GBP3: variants seen among roughly 807,000 people sequenced by gnomAD.
The protein encoded by GBP3 is guanylate binding protein 3.
Under a neutral mutation model 62.4 loss-of-function variants are expected in GBP3, and 55 were observed. That is an observed-to-expected ratio of 0.88 (90% CI 0.71 to 1.10). The LOEUF (loss-of-function observed/expected upper bound fraction) is 1.10, where lower values mean the gene tolerates loss of function less well. GBP3 is among the 50% of genes least tolerant of loss of function. The probability of loss-of-function intolerance (pLI) is 0.00; values close to 1 mark genes in which losing one functional copy is unlikely to be tolerated. For missense variants in GBP3, 605 were observed against 690.6 expected (o/e 0.88, Z 1.39); for synonymous variants, 208 against 259.2 (o/e 0.80, Z 1.90).
intron 1 of GBP3, 105 bp downstream of exon 1, chr1:89,022,579 G>A (rs962917173): frequency 6.6e-6 from 1 of 152,170 alleles, no homozygotes; most frequent in Non-Finnish European, 1.5e-5. Flanking sequence ...TTAAGAAAAT[G>A]AACTGACTTA....
rs1418488100 is a variant in GBP3 at position 89,011,976 on chromosome 1, A to T, written c.920T>A (p.Leu307Gln). ...TYINAISRGD[L>Q]PCMENAVLAL... is the part of the protein sequence containing the mutation. ...CAGGACTGCGTTCTCCATGCAGGGC[A>T]GATCCCCTCTGCTGATAGCATTGAT... The change falls in exon 7 of 11, where the codon CTG (leucine) becomes CAG (glutamine). Residue 307 changes from leucine (L) to glutamine (Q), a missense_variant. Leu to Gln is a moderately radical substitution (Grantham distance 113). Around this residue, in one of 3 missense-constraint regions of GBP3, gnomAD observed 137 missense variants for 224.7 expected, o/e 0.61. Coordinates refer to ENST00000370481, the MANE Select transcript of GBP3 (RefSeq NM_018284.3). The T allele has an allele frequency of 2.1e-6, 3 of 1,462,634 alleles. 1 individual carries two copies. Among genetic ancestry groups the T allele is most frequent in the South Asian group, 1.2e-5 (1 of 84,738 alleles). The allele number at this position is 1,462,634 out of a possible 1,614,324, so 90.6% of individuals were successfully genotyped here. A position where few individuals can be genotyped will look rare whatever the true frequency, so the allele number is the denominator to read the frequency against.
chr1:89,014,315 C>T, intron 4 of GBP3, 36 bp from the exon 5 acceptor site: 1 of 1,613,778 alleles, frequency 6.2e-7, no homozygotes, highest in Non-Finnish European at 8.5e-7. Flanking sequence ...ACAAAATGAA[C>T]AGGAACCTCA....
intron 9 of GBP3, 61 bp downstream of exon 9, chr1:89,009,331 G>T: frequency 1.9e-6 from 3 of 1,546,154 alleles, no homozygotes; most frequent in South Asian, 1.2e-5. Flanking sequence ...TTTAAAATTT[G>T]AAAAATTATT....
At chr1:89,021,598 A>G (rs1278893184) in intron 1 of GBP3, among the ~76,000 whole-genome samples, 1 of 151,950 alleles carries the variant, frequency 6.6e-6, no homozygotes, top group Non-Finnish European at 1.5e-5. Flanking sequence ...ACCCCATGAA[A>G]TAAGGACTGA....
At chr1:89,022,579 G>C (rs962917173) in intron 1 of GBP3, 105 bp downstream of exon 1, 4 of 152,170 alleles carry the variant, frequency 2.6e-5, no homozygotes, top group Non-Finnish European at 5.9e-5. Context: ...TTAAGAAAAT[G>C]AACTGACTTA....
intron 10 of GBP3, among the ~76,000 whole-genome samples, chr1:89,008,503 G>A (rs1288278722): frequency 6.8e-6 from 1 of 146,282 alleles, no homozygotes; most frequent in Non-Finnish European, 1.5e-5. Context: ...AGTCATACTA[G>A]ATGGGATAGA....
At chr1:89,012,080 T>G in intron 6 of GBP3, 53 bp from the exon 7 acceptor site, 1 of 1,363,526 alleles carries the variant, frequency 7.3e-7, no homozygotes, top group Non-Finnish European at 1.0e-6. Context: ...AAACTCTCTA[T>G]TCTGTGTAAT....
Position 89,007,870 on chromosome 1 carries a change from G to C in GBP3, c.1660-18C>G. On this transcript the variant is annotated intron_variant, in intron 10 of 10. Coordinates refer to ENST00000370481, the MANE Select transcript of GBP3 (RefSeq NM_018284.3). ...GCCTGTTCCTAAAAAGGGACAAATGGAGGCTAAATAAGTGTAGCATTAAGT... is the reference window on the plus strand; with the variant it reads ...GCCTGTTCCTAAAAAGGGACAAATGCAGGCTAAATAAGTGTAGCATTAAGT... 1 of 1,608,064 alleles carries C rather than the reference G, an allele frequency of 6.2e-7. No homozygotes were observed. Among genetic ancestry groups the C allele is most frequent in the Non-Finnish European group, 8.5e-7 (1 of 1,177,696 alleles).
In GBP3 at chr1:89,009,139, C is replaced by T. The variant is rs1381365117; in HGVS notation, c.1467G>A (p.Val489=). The T allele has an allele frequency of 6.2e-7, 1 of 1,613,342 alleles. No individual in the cohort carries two copies. The highest frequency in any genetic ancestry group is 1.7e-5 in the Admixed American group (1 of 59,962). Residue 489 remains valine (V), a splice_region_variant and synonymous_variant, in exon 10 of 11, where the codon GTG becomes GTA. Transcript: ENST00000370481. ...GTGCAGATTCAGCTTTTACACATTC[C>T]ACTGTGGAGGAAGAAGAAACATTTG... ...ILTEKEKEIE[V]ECVKAESAQA...
intron 5 of GBP3, chr1:89,013,810 G>A: frequency 2.3e-6 from 1 of 434,802 alleles, no homozygotes; most frequent in Non-Finnish European, 4.0e-6. Context: ...TTGTAAAATA[G>A]GAAAAAATGA....
At chr1:89,021,544 A>ACACACACCCACC (rs761151308) in intron 1 of GBP3, among the ~76,000 whole-genome samples, 1 of 140,948 alleles carries the variant, frequency 7.1e-6, no homozygotes, top group African/African-American at 2.5e-5. Flanking sequence ...ACACACACAC[A>ACACACACCCACC]CCCCAAAAAA....
rs751613765 is a variant in GBP3 at position 89,011,097 on chromosome 1, C to A, written c.1169G>T (p.Arg390Leu). Residue 390 changes from arginine to leucine, a missense_variant, in exon 8 of 11, where the codon CGG (arginine) becomes CTG (leucine). By Grantham distance (102) the Arg-to-Leu change is moderately radical. Transcript: ENST00000370481. Reference protein sequence around the residue: ...KKLAAQLDKKRDDFCKQNQEA... With the variant: ...KKLAAQLDKKLDDFCKQNQEA... ...TTGATTCTGTTTACAAAAGTCATCC[C>A]GCTTTTTGTCTAGCTGGGCCTTTAA... 2 of 1,461,808 alleles carry A rather than the reference C, an allele frequency of 1.4e-6. 1 individual carries two copies. The highest frequency in any genetic ancestry group is 2.4e-5 in the South Asian group (2 of 84,726). 90.6% of individuals were successfully genotyped at this position (1,461,808 alleles called of 1,614,324 possible). A position where few individuals can be genotyped will look rare whatever the true frequency, so the allele number is the denominator to read the frequency against.
At position 89,007,764 on chromosome 1, in the gene GBP3, T is replaced by G; in HGVS notation, c.1748A>C (p.Lys583Thr). Residue 583 changes from lysine (K) to threonine (T), a missense_variant, in exon 11 of 11, where the codon AAA (lysine) becomes ACA (threonine). Physicochemically the swap from Lys to Thr is moderately conservative, Grantham distance 78. Coordinates refer to ENST00000370481, the MANE Select transcript of GBP3 (RefSeq NM_018284.3). Reference protein sequence around the residue: ...EIQKLQKTLKKKTKRYMSHKL... With the variant: ...EIQKLQKTLKTKTKRYMSHKL... ...ATGCGACATATATCTCTTGGTTTTTTTTTTCAGGGTCTTCTGTAGCTTTTG... is the reference window on the plus strand; with the variant it reads ...ATGCGACATATATCTCTTGGTTTTTGTTTTCAGGGTCTTCTGTAGCTTTTG... The G allele has an allele frequency of 6.2e-7, 1 of 1,613,706 alleles. No individual in the cohort carries two copies. The highest frequency in any genetic ancestry group is 8.5e-7 in the Non-Finnish European group (1 of 1,179,826).
intron 1 of GBP3, 68 bp downstream of exon 1, chr1:89,022,616 C>T (rs918696263): frequency 6.6e-6 from 1 of 152,154 alleles, no homozygotes; most frequent in Non-Finnish European, 1.5e-5. Flanking sequence ...CTTGCCACAA[C>T]GTTATAGGCT....
intron 1 of GBP3, among the ~76,000 whole-genome samples, chr1:89,021,510 G>GCGCGCGCGCGCGCGCACACACACACA (rs751639388): frequency 5.3e-5 from 7 of 131,664 alleles, no homozygotes; most frequent in African/African-American, 2.1e-4. Context: ...GCGCGCGCGC[G>GCGCGCGCGCGCGCGCACACACACACA]CACACACACA....
chr1:89,014,117 A>C lies in GBP3; in HGVS notation c.591T>G (p.Asp197Glu), dbSNP rs757501381. 33 of 1,614,062 alleles carry C rather than the reference A, an allele frequency of 2.0e-5. No individual in the cohort carries two copies. In the African/African-American group the frequency reaches 4.1e-4, roughly 20 times the overall value. The change falls in exon 5 of 11, where the codon GAT (aspartate) becomes GAG (glutamate). Residue 197 changes from aspartate to glutamate, a missense_variant. Coordinates refer to ENST00000370481, the MANE Select transcript of GBP3 (RefSeq NM_018284.3). ...GCTTCAGGGAATACTCCAGGTACTC[A>C]TCTGGTGTGAGGGGTTGTCCATCTG... ...LEADGQPLTP[D>E]EYLEYSLKLT... is the part of the protein sequence containing the mutation.
At position 89,013,221 on chromosome 1, in the gene GBP3, T is replaced by C; in HGVS notation, c.832A>G (p.Lys278Glu). ...ACCTTGATGCCTCCTGAAAGAGTTT[T>C]AGTTTTGGAATTGCTAAAGATGTAG... ...CSYIFSNSKT[K>E]TLSGGIKVNG... The change falls in exon 6 of 11, where the codon AAA (lysine) becomes GAA (glutamate). Residue 278 changes from lysine (K) to glutamate (E), a missense_variant. Lys to Glu is a moderately conservative substitution (Grantham distance 56). This residue lies in a region of GBP3 where 137 missense variants were observed against 224.7 expected (regional missense o/e 0.61). Coordinates refer to ENST00000370481, the MANE Select transcript of GBP3 (RefSeq NM_018284.3). The C allele has an allele frequency of 6.2e-7, 1 of 1,614,220 alleles. No homozygotes were observed. The highest frequency in any genetic ancestry group is 8.5e-7 in the Non-Finnish European group (1 of 1,180,028).
intron 10 of GBP3, 121 bp from the exon 11 acceptor site, chr1:89,007,973 C>T (rs189960416): frequency 5.7e-6 from 5 of 869,850 alleles, no homozygotes; most frequent in East Asian, 2.8e-5. Context: ...TTTTCTCTAC[C>T]CTTGATTTTA....
chr1:89,017,882 C>T (rs188024606), intron 2 of GBP3, among the ~76,000 whole-genome samples: 21 of 152,152 alleles, frequency 1.4e-4, no homozygotes, highest in African/African-American at 3.4e-4. Flanking sequence ...AGTTTGAGAC[C>T]GGCCTGGCAA....
Sources: gnomAD v4.1 joint callset for allele counts (sites outside exome capture counted in the v4.1 genomes callset) on GRCh38, gnomAD v4.1.1 for gene constraint, gnomAD v4.1.1 regional missense constraint, MANE v1.5 for transcripts, NCBI Gene and HGNC (gene_info 2026-07-23, HGNC 2026-07-21) for gene names.